The following DNAJC12 variants were observed in gnomAD, a reference collection of about 807,000 sequenced individuals.
The protein encoded by DNAJC12 is dnaJ homolog subfamily C member 12.
A neutral mutation model predicts 28.5 loss-of-function variants in DNAJC12; 25 were observed. The observed-to-expected ratio is 0.88, with a 90% CI of 0.64 to 1.22. The LOEUF (loss-of-function observed/expected upper bound fraction) is 1.22, where lower values mean the gene tolerates loss of function less well. Among genes scored for constraint, DNAJC12 ranks in the 50% most tolerant of loss-of-function variants. The probability of loss-of-function intolerance (pLI) is 0.00; values close to 1 mark genes in which losing one functional copy is unlikely to be tolerated. For missense variants in DNAJC12, 222 were observed against 231.7 expected (o/e 0.96, Z 0.27); for synonymous variants, 77 against 80.6 (o/e 0.95, Z 0.24).
chr10:67,797,855 A>C (rs527593783), intron 4 of DNAJC12, among the ~76,000 whole-genome samples: 1 of 152,090 alleles, frequency 6.6e-6, no homozygotes, highest in African/African-American at 2.4e-5. Flanking sequence ...CCTGGCTAAC[A>C]CGGTGAAACC....
rs760634778 is a variant in DNAJC12 at position 67,838,014 on chromosome 10, A to C, written c.-3T>G. On this transcript the variant is annotated 5_prime_UTR_variant, in exon 1 of 5. Transcript: ENST00000225171. ...CTGTAATTCAGTATTGCATCCATTT[A>C]GATGACTTAATCAGTCCTTCTTCCC... is the stretch of plus-strand genomic sequence containing the variant. 1 of 1,601,010 alleles carries C rather than the reference A, an allele frequency of 6.2e-7. No individual in the cohort carries two copies. Among genetic ancestry groups the C allele is most frequent in the East Asian group, 2.3e-5 (1 of 44,380 alleles).
chr10:67,796,846 T>C lies in DNAJC12; in HGVS notation c.*270A>G, dbSNP rs1841677830. On this transcript the variant is annotated 3_prime_UTR_variant, in exon 5 of 5. Coordinates refer to ENST00000225171, the MANE Select transcript of DNAJC12 (RefSeq NM_021800.3). ...GAGATTGCTTTTTAATGGATTTCTA[T>C]AAGTAGTATTAATAGGAAAAAGCAT... The C allele has an allele frequency of 3.9e-6, 1 of 256,602 alleles. No homozygotes were observed. The allele number at this position is 256,602 out of a possible 1,614,324, so 15.9% of individuals were successfully genotyped here. A position where few individuals can be genotyped will look rare whatever the true frequency, so the allele number is the denominator to read the frequency against.
Position 67,826,353 on chromosome 10 carries a change from T to C in DNAJC12, c.79-2961A>G, listed in dbSNP as rs1323429695. Among the ~76,000 whole-genome samples, 7 of 151,092 alleles carry C rather than the reference T, an allele frequency of 4.6e-5. No homozygotes were observed. In the Admixed American group the frequency reaches 4.6e-4, roughly 10 times the overall value. On this transcript the variant is annotated intron_variant, in intron 1 of 4. Transcript: ENST00000225171. ...TTTGCCATCTTGTCCAGGCTGGTCTTGAACTCCTGGGCCCAAGCAATCCGC... is the reference window on the plus strand; with the variant it reads ...TTTGCCATCTTGTCCAGGCTGGTCTCGAACTCCTGGGCCCAAGCAATCCGC...
In DNAJC12 at chr10:67,815,508, CAAAAAAAAAAAAAA is replaced by C. The variant is rs762037586; in HGVS notation, c.158-3859_158-3846del. ...GGGCAACAAGAACAATACTTCGTCTCAAAAAAAAAAAAAAAAAAAGAAAAGAAAAAAAAAGATGG... is the reference window on the plus strand; with the variant it reads ...GGGCAACAAGAACAATACTTCGTCTCAAAAAGAAAAGAAAAAAAAAGATGG... On this transcript the variant is annotated intron_variant, in intron 2 of 4. Transcript: ENST00000225171. Among the ~76,000 whole-genome samples, 4 of 65,792 alleles carry C rather than the reference CAAAAAAAAAAAAAA, an allele frequency of 6.1e-5. No individual in the cohort carries two copies. In the Admixed American group the frequency reaches 7.1e-4, roughly 12 times the overall value. The allele number at this position is 65,792 out of a possible 152,430, so 43.2% of individuals were successfully genotyped here.
At chr10:67,807,283 A>AT (rs1172462548) in intron 3 of DNAJC12, among the ~76,000 whole-genome samples, 1 of 152,138 alleles carries the variant, frequency 6.6e-6, no homozygotes. Context: ...AAAATATTCA[A>AT]TTTTAAAAAT....
Position 67,837,979 on chromosome 10 carries a change from A to G in DNAJC12, c.33T>C (p.Asp11=). Residue 11 remains aspartate, a synonymous_variant, in exon 1 of 5, where the codon GAT becomes GAC. Transcript: ENST00000225171. ...CCAGTAATGTGTAGTAATCTTCAGTATCTTCTGACCTGTAATTCAGTATTG... is the reference window on the plus strand; with the variant it reads ...CCAGTAATGTGTAGTAATCTTCAGTGTCTTCTGACCTGTAATTCAGTATTG... MDAILNYRSE[D]TEDYYTLLGC... is the part of the protein sequence containing the mutation. 6.2e-7 allele frequency: 1 copy of G among 1,609,708 alleles called. No homozygotes were observed. Among genetic ancestry groups the G allele is most frequent in the Non-Finnish European group, 8.5e-7 (1 of 1,178,036 alleles).
At chr10:67,836,356 A>G (rs1842142405) in intron 1 of DNAJC12, among the ~76,000 whole-genome samples, 2 of 151,930 alleles carry the variant, frequency 1.3e-5, no homozygotes, top group Non-Finnish European at 2.9e-5. Context: ...CCCAGAACTT[A>G]AAGTAAAATT....
chr10:67,818,448 C>T (rs1841937402), intron 2 of DNAJC12, among the ~76,000 whole-genome samples: 1 of 152,080 alleles, frequency 6.6e-6, no homozygotes, highest in Admixed American at 6.6e-5. Context: ...TTTCTCTGAA[C>T]AAGACGCCTT....
chr10:67,837,162 G>A (rs898954852), intron 1 of DNAJC12, among the ~76,000 whole-genome samples: 9 of 151,926 alleles, frequency 5.9e-5, no homozygotes, highest in Non-Finnish European at 1.2e-4. Context: ...TGGGTAAAAA[G>A]CAGGAATCAA....
At chr10:67,835,990 A>G (rs959806445) in intron 1 of DNAJC12, among the ~76,000 whole-genome samples, 1 of 152,202 alleles carries the variant, frequency 6.6e-6, no homozygotes, top group Non-Finnish European at 1.5e-5. Context: ...AGACAACAGC[A>G]TAACTTCAAA....
intron 1 of DNAJC12, among the ~76,000 whole-genome samples, chr10:67,832,547 TA>T (rs1842104753): frequency 6.6e-6 from 1 of 152,140 alleles, no homozygotes; most frequent in African/African-American, 2.4e-5. Flanking sequence ...TTGATAGTGA[TA>T]AAACTAAGCC....
chr10:67,814,567 G>A (rs1205889073), intron 2 of DNAJC12, among the ~76,000 whole-genome samples: 1 of 152,138 alleles, frequency 6.6e-6, no homozygotes, highest in African/African-American at 2.4e-5. Context: ...TGAAGAAAGT[G>A]AAATGACAAA....
intron 4 of DNAJC12, among the ~76,000 whole-genome samples, chr10:67,798,016 G>A (rs1253042688): frequency 1.4e-5 from 2 of 148,122 alleles, no homozygotes; most frequent in Non-Finnish European, 3.0e-5. Flanking sequence ...CTCAGGCCTG[G>A]GCGACAGAGC....
At chr10:67,800,221 CAAAAAAAAAAA>C (rs56039954) in intron 4 of DNAJC12, among the ~76,000 whole-genome samples, 1 of 84,646 alleles carries the variant, frequency 1.2e-5, no homozygotes, top group Non-Finnish European at 2.2e-5. Flanking sequence ...GACTCTATCT[CAAAAAAAAAAA>C]AAAAAAAAAA....
intron 4 of DNAJC12, 81 bp downstream of exon 4, chr10:67,805,502 A>G: frequency 7.0e-7 from 1 of 1,438,276 alleles, no homozygotes; most frequent in South Asian, 1.4e-5. Context: ...GCAGATTGAA[A>G]AAGTTAAGAA....
At chr10:67,806,988 C>T (rs1489418733) in intron 3 of DNAJC12, among the ~76,000 whole-genome samples, 3 of 151,978 alleles carry the variant, frequency 2.0e-5, no homozygotes, top group South Asian at 4.2e-4. Context: ...TTAGGCTGGG[C>T]GCAGTGGCTC....
chr10:67,826,763 T>C (rs1842037318), intron 1 of DNAJC12, among the ~76,000 whole-genome samples: 1 of 121,356 alleles, frequency 8.2e-6, no homozygotes, highest in Non-Finnish European at 1.7e-5. Flanking sequence ...ATATATCTGA[T>C]ATCTAATGAT....
At chr10:67,814,018 C>A (rs1031573864) in intron 2 of DNAJC12, among the ~76,000 whole-genome samples, 59 of 133,518 alleles carry the variant, frequency 4.4e-4, no homozygotes, top group African/African-American at 1.5e-3. Flanking sequence ...TTTGCAAATA[C>A]AAGGGACCCA....
At chr10:67,815,814 G>A (rs16924888) in intron 2 of DNAJC12, among the ~76,000 whole-genome samples, 18,087 of 152,114 alleles carry the variant, frequency 0.12, 1,207 homozygotes, top group Middle Eastern at 0.19. Flanking sequence ...TGTTGGCTTC[G>A]CTTTCTAGAA....
Sources: allele counts gnomAD v4.1 joint callset (sites outside exome capture counted in the v4.1 genomes callset), GRCh38; gene constraint gnomAD v4.1.1; transcripts MANE v1.5; gene names NCBI Gene and HGNC (gene_info 2026-07-23, HGNC 2026-07-21).